RPS6KA6: variants seen among roughly 807,000 people sequenced by gnomAD.
RPS6KA6 encodes the protein ribosomal protein S6 kinase alpha-6.
In RPS6KA6, 27 loss-of-function variants were observed where a neutral mutation model predicts 65.4. That is an observed-to-expected ratio of 0.41 (90% CI 0.30 to 0.57). RPS6KA6 has a LOEUF of 0.57. Ranked by LOEUF, RPS6KA6 falls within the 20% of genes least tolerant of loss-of-function variation. The pLI is 0.24. For missense variants in RPS6KA6, 486 were observed against 555.6 expected (o/e 0.87, Z 1.26); for synonymous variants, 190 against 184.2 (o/e 1.03, Z -0.26).
intron 1 of RPS6KA6, among the ~76,000 whole-genome samples, chrX:84,170,966 T>C (rs192778988): frequency 9.0e-6 from 1 of 111,235 alleles, no homozygotes; most frequent in Non-Finnish European, 1.9e-5. Context: ...AAAGTCCCCA[T>C]AACGAGGGAC....
At chrX:84,083,236 TA>T (rs1428610685) in intron 20 of RPS6KA6, among the ~76,000 whole-genome samples, 2 of 112,826 alleles carry the variant, frequency 1.8e-5, no homozygotes, top group Admixed American at 1.9e-4. Context: ...ACAAGGAACT[TA>T]AACAATTTTA....
At chrX:84,064,834 T>C in intron 21 of RPS6KA6, 137 bp downstream of exon 21, 2 of 465,578 alleles carry the variant, frequency 4.3e-6, no homozygotes, top group Non-Finnish European at 7.0e-6. Flanking sequence ...AAGTACATGG[T>C]TGTTAATTTA....
In RPS6KA6 at chrX:84,116,910, C is replaced by T. The variant is rs776140899; in HGVS notation, c.949+150G>A. ...CTTCAGTTTTAAATCATGGACATAACAGAGTTTACTTTGTCTGAAATGCAC... is the reference window on the plus strand; with the variant it reads ...CTTCAGTTTTAAATCATGGACATAATAGAGTTTACTTTGTCTGAAATGCAC... On this transcript the variant is annotated intron_variant, in intron 11 of 21. Transcript: ENST00000262752. 4.2e-5 allele frequency: 16 copies of T among 383,574 alleles called. No homozygotes were observed. In the South Asian group the frequency reaches 9.9e-4, roughly 24 times the overall value. 31.6% of individuals were successfully genotyped at this position (383,574 alleles called of 1,213,427 possible).
rs1195961614 is a variant in RPS6KA6, at chrX:84,173,269, G to A, written c.82-8882C>T. Among the ~76,000 whole-genome samples, 4 of 111,223 alleles carry A rather than the reference G, an allele frequency of 3.6e-5. No individual in the cohort carries two copies. The Admixed American group carries it at 3.9e-4, about 11-fold the overall frequency. ...GTGTTTCATTCATTAGGCAGGCATA[G>A]TATGTCATGAAAACAGCAATTCTTC... On this transcript the variant is annotated intron_variant, in intron 1 of 21. Coordinates refer to ENST00000262752, the MANE Select transcript of RPS6KA6 (RefSeq NM_014496.5).
At chrX:84,157,832 GT>G (rs1750934157) in intron 2 of RPS6KA6, among the ~76,000 whole-genome samples, 1 of 110,426 alleles carries the variant, frequency 9.1e-6, no homozygotes, top group Non-Finnish European at 1.9e-5. Flanking sequence ...ACCTAAGCAG[GT>G]TTTCCAAATG....
Position 84,177,997 on chromosome X carries a change from T to C in RPS6KA6, c.81+9822A>G, listed in dbSNP as rs539459711. Among the ~76,000 whole-genome samples, 15 of 111,288 alleles carry C rather than the reference T, an allele frequency of 1.3e-4. No individual in the cohort carries two copies. The South Asian group carries it at 5.8e-3, about 43-fold the overall frequency. Reference sequence around the variant, plus strand: ...TTTTTAGAGACAGGGTCTCACTATGTTGCCCAGGCTGGTCTCAAACTCCTG... The same window carrying C: ...TTTTTAGAGACAGGGTCTCACTATGCTGCCCAGGCTGGTCTCAAACTCCTG... On this transcript the variant is annotated intron_variant, in intron 1 of 21. Transcript: ENST00000262752.
chrX:84,075,185 T>C (rs964567066), intron 20 of RPS6KA6, among the ~76,000 whole-genome samples: 1 of 111,441 alleles, frequency 9.0e-6, no homozygotes, highest in African/African-American at 3.3e-5. Context: ...TGAGCCAAGA[T>C]TGCGCCACTG....
rs1159483705 is a variant in RPS6KA6 at position 84,102,168 on chromosome X, T to C, written c.1645A>G (p.Ile549Val). ...CTGGCTGATTCATCCATGTATAAAA[T>C]ATTACTAGGTTTAAGATCACGATGA... ...VVHRDLKPSN[I>V]LYMDESASAD... Residue 549 changes from isoleucine (I) to valine (V), a missense_variant, in exon 18 of 22, where the codon ATT becomes GTT. Around this residue, in one of 3 missense-constraint regions of RPS6KA6, gnomAD observed 345 missense variants for 375.0 expected, o/e 0.92. Coordinates refer to ENST00000262752, the MANE Select transcript of RPS6KA6 (RefSeq NM_014496.5). 8.6e-7 allele frequency: 1 copy of C among 1,159,052 alleles called. No homozygotes were observed. The highest frequency in any genetic ancestry group is 3.1e-5 in the East Asian group (1 of 32,309).
intron 8 of RPS6KA6, among the ~76,000 whole-genome samples, chrX:84,134,467 G>T (rs1047338497): frequency 9.0e-6 from 1 of 111,233 alleles, no homozygotes; most frequent in African/African-American, 3.3e-5. Flanking sequence ...AGGGAAGGTT[G>T]TCACTATATT....
intron 20 of RPS6KA6, among the ~76,000 whole-genome samples, chrX:84,085,575 GT>G (rs1401832131): frequency 8.9e-6 from 1 of 111,896 alleles, no homozygotes; most frequent in Non-Finnish European, 1.9e-5. Context: ...GCTGAATTCA[GT>G]TTGCCAGTTT....
intron 20 of RPS6KA6, among the ~76,000 whole-genome samples, chrX:84,090,627 C>T (rs769649106): frequency 1.5e-4 from 17 of 111,334 alleles, no homozygotes; most frequent in Admixed American, 4.8e-4. Flanking sequence ...GGAATGGACG[C>T]GGGGGAACTA....
chrX:84,137,160 C>G (rs761168403), intron 6 of RPS6KA6, among the ~76,000 whole-genome samples: 1 of 111,789 alleles, frequency 8.9e-6, no homozygotes, highest in South Asian at 3.7e-4. Flanking sequence ...TTGTGCATAT[C>G]TGTGTGTGAA....
At chrX:84,096,166 C>CAACAA (rs1184992493) in intron 20 of RPS6KA6, 28 bp downstream of exon 20, 1 of 965,032 alleles carries the variant, frequency 1.0e-6, no homozygotes, top group South Asian at 1.9e-5. Flanking sequence ...AACATGAATG[C>CAACAA]AACAAAACAA....
At chrX:84,177,352 T>A (rs942716903) in intron 1 of RPS6KA6, among the ~76,000 whole-genome samples, 1 of 111,600 alleles carries the variant, frequency 9.0e-6, no homozygotes, top group Non-Finnish European at 1.9e-5. Context: ...GAAAAGACAC[T>A]CTTCTAAGTG....
Position 84,164,381 on chromosome X carries a change from C to G in RPS6KA6, c.88G>C (p.Gly30Arg), listed in dbSNP as rs752953085. Reference protein sequence around the residue: ...GGGASSGEVNGLKMVDEPMEE... With the variant: ...GGGASSGEVNRLKMVDEPMEE... ...ATTGGCTCATCAACCATTTTAAGAC[C>G]ATTTACCTGAAAAACATTGTTCAAA... The change falls in exon 2 of 22, where the codon GGT becomes CGT. Residue 30 changes from glycine to arginine, a missense_variant. Transcript: ENST00000262752. 22 of 1,184,385 alleles carry G rather than the reference C, an allele frequency of 1.9e-5. No individual in the cohort carries two copies. The highest frequency in any genetic ancestry group is 2.4e-5 in the Non-Finnish European group (21 of 875,627).
chrX:84,129,851 C>T (rs1157284652), intron 8 of RPS6KA6, among the ~76,000 whole-genome samples: 3 of 109,922 alleles, frequency 2.7e-5, no homozygotes, highest in Non-Finnish European at 3.8e-5. Context: ...GGGAAGGGTA[C>T]GGGGGAAGGG....
intron 20 of RPS6KA6, among the ~76,000 whole-genome samples, chrX:84,067,233 C>T (rs968669435): frequency 2.7e-5 from 3 of 111,709 alleles, no homozygotes; most frequent in Non-Finnish European, 5.6e-5. Flanking sequence ...CAAATGATCG[C>T]AACTCCTCTC....
chrX:84,183,907 C>T (rs775224213), intron 1 of RPS6KA6, among the ~76,000 whole-genome samples: 7 of 108,636 alleles, frequency 6.4e-5, no homozygotes, highest in Non-Finnish European at 1.3e-4. Context: ...TGAATGTAAA[C>T]CTGTGGGGGT....
At chrX:84,178,496 C>T (rs767332882) in intron 1 of RPS6KA6, among the ~76,000 whole-genome samples, 6 of 111,437 alleles carry the variant, frequency 5.4e-5, no homozygotes, top group Non-Finnish European at 1.1e-4. Context: ...TTCACTAAAC[C>T]CAATACAGAA....
Sources: allele counts gnomAD v4.1 joint callset (sites outside exome capture counted in the v4.1 genomes callset), GRCh38; gene constraint gnomAD v4.1.1; regional missense constraint gnomAD v4.1.1; transcripts MANE v1.5; gene names NCBI Gene and HGNC (gene_info 2026-07-23, HGNC 2026-07-21).